The following AUTS2 variants were observed in gnomAD, a reference collection of about 807,000 sequenced individuals.
The protein encoded by AUTS2 is autism susceptibility gene 2 protein.
Under a neutral mutation model 112.4 loss-of-function variants are expected in AUTS2, and 17 were observed. That is an observed-to-expected ratio of 0.15 (90% CI 0.10 to 0.23). AUTS2 has a LOEUF of 0.23. AUTS2 is among the 10% of genes least tolerant of loss of function. The pLI, the probability that AUTS2 is intolerant of heterozygous loss-of-function variation, is 1.00. For synonymous variants in AUTS2, 751 were observed against 702.7 expected, an observed-to-expected ratio of 1.07 and a Z score of -1.09; for missense variants, 1,510 against 1,701.6, an observed-to-expected ratio of 0.89 and a Z score of 1.98.
chr7:70,474,280 T>TG (rs572555349), intron 5 of AUTS2, among the ~76,000 whole-genome samples: 132 of 152,350 alleles, frequency 8.7e-4, no homozygotes, highest in Non-Finnish European at 1.6e-3. Context: ...GCTTTCATTG[T>TG]GGTGCCCCCC....
At chr7:69,745,979 T>G (rs905092158) in intron 1 of AUTS2, among the ~76,000 whole-genome samples, 1 of 152,128 alleles carries the variant, frequency 6.6e-6, no homozygotes, top group African/African-American at 2.4e-5. Context: ...GCTCAAGTGA[T>G]CCTCCTGCCT....
intron 1 of AUTS2, among the ~76,000 whole-genome samples, chr7:69,751,632 C>A (rs928686789): frequency 9.2e-5 from 14 of 152,180 alleles, no homozygotes; most frequent in Non-Finnish European, 2.9e-5. Context: ...GGGATTGTTT[C>A]TCAGCATATA....
At chr7:70,613,485 T>C (rs911044307) in intron 5 of AUTS2, among the ~76,000 whole-genome samples, 13 of 152,156 alleles carry the variant, frequency 8.5e-5, no homozygotes, top group African/African-American at 3.1e-4. Context: ...TTGACCCTGG[T>C]GAGAACTCAT....
intron 5 of AUTS2, among the ~76,000 whole-genome samples, chr7:70,523,297 A>G (rs528270203): frequency 1.3e-5 from 2 of 152,292 alleles, no homozygotes; most frequent in Admixed American, 1.3e-4. Flanking sequence ...GAATGGTTGA[A>G]CTGCTTGTCC....
intron 1 of AUTS2, among the ~76,000 whole-genome samples, chr7:69,790,939 C>G (rs992367928): frequency 3.3e-5 from 5 of 152,226 alleles, no homozygotes; most frequent in Non-Finnish European, 7.3e-5. Flanking sequence ...AACTGAAACT[C>G]AAGTTATTCC....
At chr7:69,638,340 T>C (rs1794644650) in intron 1 of AUTS2, among the ~76,000 whole-genome samples, 1 of 152,190 alleles carries the variant, frequency 6.6e-6, no homozygotes, top group South Asian at 2.1e-4. Context: ...ATTAAAGACA[T>C]AGAAGTTCAG....
rs553134806 is a variant in AUTS2 at position 70,181,923 on chromosome 7, G to T, written c.660+47352G>T. On this transcript the variant is annotated intron_variant, in intron 4 of 18. Transcript: ENST00000342771. Reference sequence around the variant, plus strand: ...CGCCATTCTCCTGCCTCAGCCTCCCGAGTAGCTGGGATTACAGGCACCCGC... The same window carrying T: ...CGCCATTCTCCTGCCTCAGCCTCCCTAGTAGCTGGGATTACAGGCACCCGC... 2.0e-5 allele frequency among the ~76,000 whole-genome samples: 3 copies of T among 150,396 alleles called. No homozygotes were observed. The South Asian group carries it at 6.3e-4, about 32-fold the overall frequency.
At chr7:69,999,320 G>GTTAC (rs1799083982) in intron 2 of AUTS2, among the ~76,000 whole-genome samples, 2 of 152,100 alleles carry the variant, frequency 1.3e-5, no homozygotes, top group African/African-American at 4.8e-5. Context: ...TTATACCACA[G>GTTAC]TTACTTGTGG....
At chr7:70,131,607 T>A (rs1040255816) in intron 3 of AUTS2, among the ~76,000 whole-genome samples, 9 of 152,170 alleles carry the variant, frequency 5.9e-5, no homozygotes, top group African/African-American at 7.2e-5. Flanking sequence ...TTCTAAACAT[T>A]CCTTTTTTTT....
intron 5 of AUTS2, among the ~76,000 whole-genome samples, chr7:70,653,788 C>CACT (rs1224506538): frequency 6.6e-5 from 10 of 152,338 alleles, no homozygotes; most frequent in African/African-American, 2.4e-4. Context: ...TGGCTACAGT[C>CACT]ACTGGCTCTC....
intron 6 of AUTS2, among the ~76,000 whole-genome samples, chr7:70,737,524 T>C (rs566538252): frequency 2.0e-5 from 3 of 152,360 alleles, no homozygotes; most frequent in African/African-American, 7.2e-5. Flanking sequence ...ATGTCTGTGA[T>C]TTTAGGAGGA....
intron 1 of AUTS2, among the ~76,000 whole-genome samples, chr7:69,721,809 G>A (rs1037759371): frequency 5.9e-5 from 9 of 152,196 alleles, no homozygotes; most frequent in African/African-American, 2.2e-4. Flanking sequence ...AGCAGGGTGA[G>A]TGAAGTTGGA....
In AUTS2 at chr7:70,789,207, C is replaced by T. The variant is rs562823770; in HGVS notation, c.2532-541C>T. 3.3e-5 allele frequency among the ~76,000 whole-genome samples: 5 copies of T among 152,300 alleles called. No homozygotes were observed. In the South Asian group the frequency reaches 6.2e-4, roughly 19 times the overall value. On this transcript the variant is annotated intron_variant, in intron 18 of 18. Transcript: ENST00000342771. ...TGTCTTGGAGATGGCTCTGTATCCA[C>T]GTTCTTTGCTCTGAAACTGGTCACT... is the stretch of plus-strand genomic sequence containing the variant.
At chr7:69,699,639 G>GTTTTTT (rs748794120) in intron 1 of AUTS2, among the ~76,000 whole-genome samples, 1 of 111,524 alleles carries the variant, frequency 9.0e-6, no homozygotes, top group African/African-American at 3.4e-5. Context: ...CAGTGATAAT[G>GTTTTTT]TTTTTTTTTT....
intron 1 of AUTS2, among the ~76,000 whole-genome samples, chr7:69,755,868 G>A (rs562157093): frequency 6.3e-4 from 96 of 152,238 alleles, no homozygotes; most frequent in Non-Finnish European, 9.6e-4. Context: ...TGGGAGTGGG[G>A]AGTGAAGGCC....
intron 4 of AUTS2, among the ~76,000 whole-genome samples, chr7:70,152,148 G>T (rs1807475836): frequency 6.6e-6 from 1 of 152,144 alleles, no homozygotes; most frequent in Non-Finnish European, 1.5e-5. Context: ...AACATGAAAA[G>T]ATTAGAGAAT....
At chr7:70,682,489 C>A (rs1175393547) in intron 5 of AUTS2, among the ~76,000 whole-genome samples, 2 of 151,948 alleles carry the variant, frequency 1.3e-5, no homozygotes, top group Non-Finnish European at 2.9e-5. Context: ...TTGTTGTTGC[C>A]GTGATTTATT....
chr7:70,214,896 A>T (rs1403040042), intron 4 of AUTS2, among the ~76,000 whole-genome samples: 4 of 152,224 alleles, frequency 2.6e-5, no homozygotes, highest in Non-Finnish European at 5.9e-5. Context: ...TTTGAATCAT[A>T]GTCTGAATTC....
At chr7:70,322,477 G>A (rs1235282201) in intron 4 of AUTS2, among the ~76,000 whole-genome samples, 3 of 152,108 alleles carry the variant, frequency 2.0e-5, no homozygotes, top group Admixed American at 6.6e-5. Flanking sequence ...TTTATGTGGA[G>A]CCCCAGGAAA....
Sources: gnomAD v4.1 joint callset for allele counts (sites outside exome capture counted in the v4.1 genomes callset) on GRCh38, gnomAD v4.1.1 for gene constraint, MANE v1.5 for transcripts, NCBI Gene and HGNC (gene_info 2026-07-23, HGNC 2026-07-21) for gene names.